BLOC1S5: variants seen among roughly 807,000 people sequenced by gnomAD.
The protein encoded by BLOC1S5 is biogenesis of lysosomal organelles complex 1 subunit 5.
BLOC1S5 carries 27 observed loss-of-function variants against 24.3 expected under a neutral mutation model. That is an observed-to-expected ratio of 1.11 (90% CI 0.82 to 1.53). The LOEUF (loss-of-function observed/expected upper bound fraction) is 1.53, where lower values mean the gene tolerates loss of function less well. BLOC1S5 is among the 40% of genes most tolerant of loss of function. BLOC1S5 has a pLI of 0.00. For synonymous variants in BLOC1S5, 84 were observed against 74.5 expected, an observed-to-expected ratio of 1.13 and a Z score of -0.66; for missense variants, 239 against 229.4, an observed-to-expected ratio of 1.04 and a Z score of -0.27.
intron 4 of BLOC1S5, among the ~76,000 whole-genome samples, chr6:8,016,876 C>CAAAAAAAAAA (rs36179729): frequency 4.1e-5 from 4 of 97,616 alleles, no homozygotes; most frequent in Non-Finnish European, 5.8e-5. Flanking sequence ...TACTCTATCT[C>CAAAAAAAAAA]AAAAAAAAAA....
intron 4 of BLOC1S5, among the ~76,000 whole-genome samples, chr6:8,019,017 T>C (rs1424103689): frequency 1.3e-5 from 2 of 152,270 alleles, no homozygotes; most frequent in African/African-American, 4.8e-5. Context: ...AATAAGATAC[T>C]GCCAAAGATC....
At chr6:8,028,783 T>G (rs759567230) in intron 3 of BLOC1S5, among the ~76,000 whole-genome samples, 7 of 152,032 alleles carry the variant, frequency 4.6e-5, no homozygotes, top group Non-Finnish European at 8.8e-5. Flanking sequence ...TTATGAAATT[T>G]GCTTTTCTAA....
intron 3 of BLOC1S5, among the ~76,000 whole-genome samples, chr6:8,035,452 T>C (rs1459372417): frequency 6.6e-6 from 1 of 152,112 alleles, no homozygotes; most frequent in African/African-American, 2.4e-5. Context: ...GCAAGTTCTA[T>C]GTGCTAATGA....
chr6:8,025,108 C>T (rs1044146173), intron 4 of BLOC1S5, among the ~76,000 whole-genome samples: 2 of 152,200 alleles, frequency 1.3e-5, no homozygotes, highest in Non-Finnish European at 2.9e-5. Flanking sequence ...ATAAATTACA[C>T]TTTATTTGCC....
At chr6:8,062,395 C>A (rs929101841) in intron 2 of BLOC1S5, 139 bp downstream of exon 2, 2 of 591,222 alleles carry the variant, frequency 3.4e-6, no homozygotes, top group Non-Finnish European at 5.8e-6. Context: ...ACAATTTTTA[C>A]GTCTTCATCA....
chr6:8,058,028 G>A (rs566620199), intron 2 of BLOC1S5, among the ~76,000 whole-genome samples: 3 of 152,148 alleles, frequency 2.0e-5, no homozygotes, highest in South Asian at 2.1e-4. Flanking sequence ...TAAACTTCAC[G>A]GAGGTAGGAA....
At chr6:8,021,568 C>T (rs1762917010) in intron 4 of BLOC1S5, among the ~76,000 whole-genome samples, 1 of 152,040 alleles carries the variant, frequency 6.6e-6, no homozygotes, top group African/African-American at 2.4e-5. Context: ...CACTGCACTC[C>T]ACCCTGGGTG....
rs530828520 is a variant in BLOC1S5, at chr6:8,036,542, G to A, written c.325+4597C>T. On this transcript the variant is annotated intron_variant, in intron 3 of 4. Transcript: ENST00000397457. ...TGAAGCCATGATAAAGTCTCCTATC[G>A]AAGAAAAGCCCAGGACTTAATGGCT... 1.5e-4 allele frequency among the ~76,000 whole-genome samples: 23 copies of A among 152,094 alleles called. No homozygotes were observed. In the South Asian group the frequency reaches 4.6e-3, roughly 30 times the overall value.
intron 2 of BLOC1S5, among the ~76,000 whole-genome samples, chr6:8,056,618 G>A (rs1469353578): frequency 6.6e-6 from 1 of 152,124 alleles, no homozygotes; most frequent in Non-Finnish European, 1.5e-5. Context: ...TGGTCTCTCA[G>A]TTCAAAGACA....
intron 2 of BLOC1S5, among the ~76,000 whole-genome samples, chr6:8,056,690 T>C (rs1252238407): frequency 1.3e-5 from 2 of 152,156 alleles, no homozygotes; most frequent in Admixed American, 1.3e-4. Flanking sequence ...GTTATTATTC[T>C]GGGGCCTATA....
At chr6:8,045,618 A>G (rs2113573696) in intron 2 of BLOC1S5, among the ~76,000 whole-genome samples, 1 of 152,290 alleles carries the variant, frequency 6.6e-6, no homozygotes, top group East Asian at 1.9e-4. Context: ...ACAGGGCTGG[A>G]GCCTCCCAAG....
intron 3 of BLOC1S5, among the ~76,000 whole-genome samples, chr6:8,037,623 C>G (rs138272773): frequency 1.4e-4 from 21 of 152,152 alleles, no homozygotes; most frequent in Middle Eastern, 3.4e-3. Context: ...AAAATAAATC[C>G]TAAAATTTAT....
At chr6:8,051,326 A>G (rs995338689) in intron 2 of BLOC1S5, among the ~76,000 whole-genome samples, 1 of 152,230 alleles carries the variant, frequency 6.6e-6, no homozygotes, top group African/African-American at 2.4e-5. Flanking sequence ...AGCCTAATTG[A>G]GAGGAAGGCC....
chr6:8,049,078 G>GA lies in BLOC1S5; in HGVS notation c.196-7811_196-7810insT, dbSNP rs1266178460. The stretch of plus-strand genomic sequence containing the variant: ...AGAGGAAGGGAGGGGAGGGGAGGGG[G>GA]GAAAGAAAGAGGCCAGGTACAGTGG... On this transcript the variant is annotated intron_variant, in intron 2 of 4. Coordinates refer to ENST00000397457, the MANE Select transcript of BLOC1S5 (RefSeq NM_201280.3). Among the ~76,000 whole-genome samples the GA allele has an allele frequency of 3.3e-3, 461 of 140,410 alleles. 7 individuals are homozygous for GA. Among genetic ancestry groups the GA allele is most frequent in the East Asian group, 0.033 (138 of 4,246 alleles). The allele number at this position is 140,410 out of a possible 152,430, so 92.1% of individuals were successfully genotyped here.
chr6:8,056,286 C>T (rs1225928105), intron 2 of BLOC1S5, among the ~76,000 whole-genome samples: 2 of 152,212 alleles, frequency 1.3e-5, no homozygotes, highest in Non-Finnish European at 2.9e-5. Context: ...TTGTCTAGCA[C>T]TCAAGGCTCT....
rs181207763 is a variant in BLOC1S5 at position 8,052,395 on chromosome 6, T to C, written c.195+10139A>G. ...CACTGATGGATCTGGACAAAGTAAA[T>C]TGAAGACCTTCTGGAAAGGATTCAC... On this transcript the variant is annotated intron_variant, in intron 2 of 4. Transcript: ENST00000397457. Among the ~76,000 whole-genome samples the C allele has an allele frequency of 2.3e-3, 357 of 152,272 alleles. 4 individuals carry two copies. Among genetic ancestry groups the C allele is most frequent in the African/African-American group, 7.9e-3 (328 of 41,550 alleles).
At chr6:8,052,436 T>C (rs928298691) in intron 2 of BLOC1S5, among the ~76,000 whole-genome samples, 2 of 152,172 alleles carry the variant, frequency 1.3e-5, no homozygotes, top group African/African-American at 2.4e-5. Context: ...TAGATGCCAT[T>C]AAGAACATTA....
chr6:8,044,116 T>A (rs962414507), intron 2 of BLOC1S5, among the ~76,000 whole-genome samples: 2 of 151,888 alleles, frequency 1.3e-5, no homozygotes, highest in Non-Finnish European at 2.9e-5. Flanking sequence ...ACCCCATCTC[T>A]ACTAAAGATA....
chr6:8,022,000 G>T (rs1024004515), intron 4 of BLOC1S5, among the ~76,000 whole-genome samples: 36 of 152,164 alleles, frequency 2.4e-4, no homozygotes, highest in Admixed American at 2.1e-3. Context: ...CACACTCACT[G>T]CTCTCCACCA....
Sources: gnomAD v4.1 joint callset for allele counts (sites outside exome capture counted in the v4.1 genomes callset) on GRCh38, gnomAD v4.1.1 for gene constraint, MANE v1.5 for transcripts, NCBI Gene and HGNC (gene_info 2026-07-23, HGNC 2026-07-21) for gene names.